The following AFTPH variants were observed in gnomAD, a reference collection of about 807,000 sequenced individuals.
The protein encoded by AFTPH is aftiphilin protein.
AFTPH carries 7 observed loss-of-function variants against 72.5 expected under a neutral mutation model. The ratio of observed to expected loss-of-function variants is 0.10; its 90% CI spans 0.05 to 0.18. The LOEUF (loss-of-function observed/expected upper bound fraction) is 0.18. Among genes scored for constraint, AFTPH ranks in the 10% least tolerant of loss-of-function variants. The probability of loss-of-function intolerance (pLI) is 1.00; values close to 1 mark genes in which losing one functional copy is unlikely to be tolerated. For missense variants in AFTPH, 979 were observed against 1,060.5 expected, an observed-to-expected ratio of 0.92 and a Z score of 1.07; for synonymous variants, 337 against 370.1, an observed-to-expected ratio of 0.91 and a Z score of 1.03.
intron 6 of AFTPH, among the ~76,000 whole-genome samples, chr2:64,574,151 T>G (rs2104111776): frequency 6.6e-6 from 1 of 152,354 alleles, no homozygotes; most frequent in South Asian, 2.1e-4. Flanking sequence ...TTTTAGAAGA[T>G]TAGTATTTTT....
At chr2:64,531,010 C>G (rs1455060170) in intron 1 of AFTPH, among the ~76,000 whole-genome samples, 2 of 135,854 alleles carry the variant, frequency 1.5e-5, no homozygotes, top group East Asian at 4.5e-4. Context: ...TGCAGTGAGC[C>G]TAGATCACAC....
intron 1 of AFTPH, among the ~76,000 whole-genome samples, chr2:64,537,616 A>C (rs1434017852): frequency 1.3e-5 from 2 of 152,202 alleles, no homozygotes; most frequent in Non-Finnish European, 2.9e-5. Flanking sequence ...TGCTTTCTGA[A>C]AGTGAAAATT....
intron 1 of AFTPH, among the ~76,000 whole-genome samples, chr2:64,530,139 G>C (rs1198512474): frequency 6.6e-6 from 1 of 152,132 alleles, no homozygotes. Flanking sequence ...CTGGACAACA[G>C]AGTGAGGCTC....
intron 2 of AFTPH, among the ~76,000 whole-genome samples, chr2:64,565,815 A>G (rs1672050589): frequency 6.6e-6 from 1 of 152,234 alleles, no homozygotes; most frequent in African/African-American, 2.4e-5. Flanking sequence ...CTAAACATAT[A>G]TGAAACTTTC....
chr2:64,527,333 C>G (rs778542746), intron 1 of AFTPH, among the ~76,000 whole-genome samples: 1 of 152,142 alleles, frequency 6.6e-6, no homozygotes, highest in African/African-American at 2.4e-5. Flanking sequence ...GTAATCCCAG[C>G]ACTTTGGGAG....
In AFTPH at chr2:64,559,558, C is replaced by A. The variant is rs137957215; in HGVS notation, c.1935+6149C>A. On this transcript the variant is annotated intron_variant, in intron 2 of 8. Coordinates refer to ENST00000238856, the Ensembl canonical transcript of AFTPH. The stretch of plus-strand genomic sequence containing the variant: ...TCAAAATCAGGCAGAAGTTCCTTAG[C>A]ATTTTTGTTCTATTCAGGTCTTCAG... 2.6e-4 allele frequency among the ~76,000 whole-genome samples: 39 copies of A among 152,252 alleles called. No individual in the cohort carries two copies. The East Asian group carries it at 7.1e-3, about 28-fold the overall frequency.
At chr2:64,545,570 TAAAAAAAAAAAAAAAAAAAAAAAAAAA>T (rs58124855) in intron 1 of AFTPH, among the ~76,000 whole-genome samples, 35 of 24,170 alleles carry the variant, frequency 1.4e-3, no homozygotes, top group East Asian at 1.4e-3. Flanking sequence ...CCACCAGCAG[TAAAAAAAAAAAAAAAAAAAAAAAAAAA>T]AAAAAAAAAA....
At chr2:64,562,148 C>G (rs904681692) in intron 2 of AFTPH, among the ~76,000 whole-genome samples, 1 of 151,952 alleles carries the variant, frequency 6.6e-6, no homozygotes. Flanking sequence ...TTAGAAGATT[C>G]ATGGAGTAAT....
intron 6 of AFTPH, 50 bp downstream of exon 6, chr2:64,573,118 T>C: frequency 7.2e-7 from 1 of 1,392,962 alleles, no homozygotes; most frequent in Non-Finnish European, 1.0e-6. Context: ...TATATACACA[T>C]ATATCCACAC....
intron 1 of AFTPH, among the ~76,000 whole-genome samples, chr2:64,549,067 T>C (rs145634785): frequency 5.3e-5 from 8 of 152,310 alleles, no homozygotes; most frequent in South Asian, 2.1e-4. Flanking sequence ...AGTTACTCAC[T>C]AGTTGGCTTC....
chr2:64,529,868 C>A (rs188670771), intron 1 of AFTPH, among the ~76,000 whole-genome samples: 121 of 152,184 alleles, frequency 8.0e-4, no homozygotes, highest in African/African-American at 2.2e-3. Context: ...TAAAAAAATC[C>A]CTCAGCCAGG....
chr2:64,579,620 C>CTGCTGATTTCCTTTTT, intron 7 of AFTPH, 74 bp downstream of exon 7: 1 of 1,303,806 alleles, frequency 7.7e-7, no homozygotes, highest in Non-Finnish European at 1.1e-6. Flanking sequence ...AAACTTCTCT[C>CTGCTGATTTCCTTTTT]TGCTGATTTC....
At position 64,567,622 on chromosome 2, in the gene AFTPH, C is replaced by T. The variant is rs1276418518; in HGVS notation, c.1996C>T (p.Pro666Ser). 14 of 1,613,378 alleles carry T rather than the reference C, an allele frequency of 8.7e-6. No individual in the cohort carries two copies. In the Admixed American group the frequency reaches 2.3e-4, roughly 27 times the overall value. ...AGCATGTTTTCCTTCCATACTTGTC[C>T]CTGATGCTGAAGAGGAAGTTACTTC... The change falls in exon 3 of 9, where the codon CCT (proline) becomes TCT (serine). Residue 666 changes from proline to serine, a missense_variant. Coordinates refer to ENST00000238856, the Ensembl canonical transcript of AFTPH.
chr2:64,534,373 CA>C (rs1157718797), intron 1 of AFTPH, among the ~76,000 whole-genome samples: 41 of 150,940 alleles, frequency 2.7e-4, no homozygotes, highest in African/African-American at 6.3e-4. Flanking sequence ...TATCTTCATT[CA>C]AAAAAAAATT....
intron 1 of AFTPH, among the ~76,000 whole-genome samples, chr2:64,542,792 T>G (rs899301121): frequency 3.5e-5 from 5 of 141,730 alleles, no homozygotes; most frequent in Non-Finnish European, 7.9e-5. Flanking sequence ...TTTTAAAATA[T>G]AGAGTCATAT....
chr2:64,571,052 C>G (rs1672393794), intron 5 of AFTPH, among the ~76,000 whole-genome samples: 1 of 151,210 alleles, frequency 6.6e-6, no homozygotes, highest in Non-Finnish European at 1.5e-5. Flanking sequence ...TTTGTGATAT[C>G]TTTCATTTAG....
In AFTPH at chr2:64,536,518, C is replaced by T. The variant is rs1032605124; in HGVS notation, c.-33+11906C>T. On this transcript the variant is annotated intron_variant, in intron 1 of 8. Coordinates refer to ENST00000238856, the Ensembl canonical transcript of AFTPH. ...TGGGAGGTGGAGGTTGTAGTGATCG[C>T]GCCACTGCACTCCAGCCTGGGCGAC... Among the ~76,000 whole-genome samples the T allele has an allele frequency of 3.4e-5, 5 of 147,594 alleles. No individual in the cohort carries two copies. In the Admixed American group the frequency reaches 3.4e-4, roughly 10 times the overall value.
intron 7 of AFTPH, among the ~76,000 whole-genome samples, chr2:64,583,844 C>A (rs551333203): frequency 6.6e-6 from 1 of 152,052 alleles, no homozygotes; most frequent in Admixed American, 6.5e-5. Context: ...CTGTGGAAGT[C>A]GCTTTTGCTT....
intron 1 of AFTPH, among the ~76,000 whole-genome samples, chr2:64,533,077 T>G (rs1226849940): frequency 6.6e-6 from 1 of 152,118 alleles, no homozygotes; most frequent in African/African-American, 2.4e-5. Flanking sequence ...AAGACAATTA[T>G]GAATAGGTAT....
Sources: allele counts gnomAD v4.1 joint callset (sites outside exome capture counted in the v4.1 genomes callset), GRCh38; gene constraint gnomAD v4.1.1; transcripts MANE v1.5; gene names NCBI Gene and HGNC (gene_info 2026-07-23, HGNC 2026-07-21).